Variants in SEC63 observed in about 807,000 individuals in gnomAD.
SEC63 encodes the protein translocation protein SEC63 homolog.
Under a neutral mutation model 116.2 loss-of-function variants are expected in SEC63, and 56 were observed. That is an observed-to-expected ratio of 0.48 (90% confidence interval 0.39 to 0.60). The LOEUF is 0.60. SEC63 is among the 20% of genes least tolerant of loss of function. SEC63 has a pLI of 0.00. For missense variants in SEC63, 668 were observed against 900.0 expected, an observed-to-expected ratio of 0.74 and a Z score of 3.30; for synonymous variants, 273 against 294.6, an observed-to-expected ratio of 0.93 and a Z score of 0.75.
chr6:107,937,175 T>G lies in SEC63; in HGVS notation c.125-7661A>C, dbSNP rs1397891765. On this transcript the variant is annotated intron_variant, in intron 1 of 20. Coordinates refer to ENST00000369002, the MANE Select transcript of SEC63 (RefSeq NM_007214.5). ...TTTGCTCTTGTTGCCCAGGCTGGAG[T>G]GCAATGGCGCAATCTCAGCTCATTG... is the stretch of plus-strand genomic sequence containing the variant. Among the ~76,000 whole-genome samples the G allele has an allele frequency of 4.8e-5, 7 of 145,092 alleles. No homozygotes were observed. The East Asian group carries it at 1.4e-3, about 29-fold the overall frequency.
chr6:107,909,056 A>C (rs1787217935), intron 7 of SEC63, 21 bp from the exon 8 acceptor site: 1 of 1,531,902 alleles, frequency 6.5e-7, no homozygotes, highest in Admixed American at 1.7e-5. Flanking sequence ...AAAAAAATTA[A>C]ACAAGAAAGA....
At position 107,958,064 on chromosome 6, in the gene SEC63, G is replaced by A; in HGVS notation, c.-55C>T. 1.9e-6 allele frequency: 3 copies of A among 1,600,184 alleles called. No individual in the cohort carries two copies. Among genetic ancestry groups the A allele is most frequent in the Non-Finnish European group, 2.6e-6 (3 of 1,171,094 alleles). ...ACCGCCGCCGCCACGACCACGCTCT[G>A]CACTCCCGCTCCCAACGCCCCGGCC... On this transcript the variant is annotated 5_prime_UTR_variant, in exon 1 of 21. Coordinates refer to ENST00000369002, the MANE Select transcript of SEC63 (RefSeq NM_007214.5).
intron 1 of SEC63, among the ~76,000 whole-genome samples, chr6:107,935,801 T>G (rs201124305): frequency 8.2e-6 from 1 of 121,512 alleles, no homozygotes; most frequent in Non-Finnish European, 1.9e-5. Context: ...AAAAATAAAA[T>G]AAAATAAAAT....
chr6:107,879,473 G>C (rs929897381), intron 18 of SEC63, among the ~76,000 whole-genome samples: 3 of 152,204 alleles, frequency 2.0e-5, no homozygotes, highest in Admixed American at 2.0e-4. Flanking sequence ...TTACAGGCAT[G>C]TGACACCATG....
At chr6:107,921,436 T>C (rs1787553190) in intron 4 of SEC63, among the ~76,000 whole-genome samples, 2 of 151,718 alleles carry the variant, frequency 1.3e-5, no homozygotes, top group Non-Finnish European at 2.9e-5. Flanking sequence ...AATATTTTAT[T>C]AAAACAGAAA....
chr6:107,890,362 T>A (rs745731725), intron 16 of SEC63, among the ~76,000 whole-genome samples: 6 of 152,254 alleles, frequency 3.9e-5, no homozygotes, highest in Non-Finnish European at 8.8e-5. Context: ...TGGTTTAAAG[T>A]CTGTTTTATC....
intron 16 of SEC63, among the ~76,000 whole-genome samples, chr6:107,887,798 G>C (rs1032170909): frequency 5.3e-5 from 8 of 152,156 alleles, no homozygotes; most frequent in Non-Finnish European, 7.4e-5. Context: ...TCCAGTTCCT[G>C]CTTTCTGCAT....
rs1786061798 is a variant in SEC63 at position 107,868,997 on chromosome 6, T to TTA, written c.*2705_*2706dup. ...AAAATAACATGCCTAGAGAGCCTCATTATATCTCTCCCTCCCTGTTTCCAC... is the reference window on the plus strand; with the variant it reads ...AAAATAACATGCCTAGAGAGCCTCATTATATATCTCTCCCTCCCTGTTTCCAC... On this transcript the variant is annotated 3_prime_UTR_variant, in exon 21 of 21. Transcript: ENST00000369002. The TTA allele has an allele frequency of 6.6e-6, 1 of 152,230 alleles. No homozygotes were observed. Among genetic ancestry groups the TTA allele is most frequent in the Non-Finnish European group, 1.5e-5 (1 of 68,082 alleles). The allele number at this position is 152,230 out of a possible 1,614,324, so 9.4% of individuals were successfully genotyped here.
At chr6:107,936,702 C>T (rs1359851773) in intron 1 of SEC63, among the ~76,000 whole-genome samples, 2 of 152,218 alleles carry the variant, frequency 1.3e-5, no homozygotes, top group African/African-American at 4.8e-5. Context: ...TCATAAACCA[C>T]ATAGTGCCTT....
rs1023530263 is a variant in SEC63 at position 107,870,431 on chromosome 6, A to G, written c.*1273T>C. ...GGTTGCAAATTTTAGTATTCCAACA[A>G]TATTTTGACCTATGGAGATTTTGAT... is the stretch of plus-strand genomic sequence containing the variant. On this transcript the variant is annotated 3_prime_UTR_variant, in exon 21 of 21. Transcript: ENST00000369002. 1 of 152,634 alleles carries G rather than the reference A, an allele frequency of 6.6e-6. No homozygotes were observed. The highest frequency in any genetic ancestry group is 1.5e-5 in the Non-Finnish European group (1 of 68,032). The allele number at this position is 152,634 out of a possible 1,614,324, so 9.5% of individuals were successfully genotyped here. A position where few individuals can be genotyped will look rare whatever the true frequency, so the allele number is the denominator to read the frequency against.
chr6:107,944,670 C>T (rs567502592), intron 1 of SEC63, among the ~76,000 whole-genome samples: 17 of 151,200 alleles, frequency 1.1e-4, no homozygotes, highest in African/African-American at 4.1e-4. Context: ...GCATTCCAAC[C>T]TAGATCAGAG....
intron 1 of SEC63, among the ~76,000 whole-genome samples, chr6:107,936,250 C>A (rs1039673334): frequency 6.6e-6 from 1 of 152,192 alleles, no homozygotes; most frequent in Non-Finnish European, 1.5e-5. Context: ...AAAATTAAAT[C>A]TTAACCTTTT....
chr6:107,951,043 C>CTTT (rs1248629757), intron 1 of SEC63, among the ~76,000 whole-genome samples: 1 of 152,144 alleles, frequency 6.6e-6, no homozygotes, highest in Non-Finnish European at 1.5e-5. Context: ...AAATTATGCA[C>CTTT]TTACAAATAA....
Position 107,871,155 on chromosome 6 carries a change from G to A in SEC63, c.*549C>T, listed in dbSNP as rs1251167096. 2 of 159,286 alleles carry A rather than the reference G, an allele frequency of 1.3e-5. No individual in the cohort carries two copies. The highest frequency in any genetic ancestry group is 4.8e-5 in the African/African-American group (2 of 41,490). The allele number at this position is 159,286 out of a possible 1,614,324, so 9.9% of individuals were successfully genotyped here. ...GCCCTCTATATCATGTGGAATGTGA[G>A]AGAATGCCAACTTATGACCAAGATA... On this transcript the variant is annotated 3_prime_UTR_variant, in exon 21 of 21. Coordinates refer to ENST00000369002, the MANE Select transcript of SEC63 (RefSeq NM_007214.5).
At chr6:107,956,991 G>A (rs1231362872) in intron 1 of SEC63, among the ~76,000 whole-genome samples, 1 of 151,978 alleles carries the variant, frequency 6.6e-6, no homozygotes, top group Non-Finnish European at 1.5e-5. Flanking sequence ...AACCCATTAG[G>A]CCCTCGCAGT....
At position 107,955,186 on chromosome 6, in the gene SEC63, T is replaced by C. The variant is rs111992837; in HGVS notation, c.124+2700A>G. On this transcript the variant is annotated intron_variant, in intron 1 of 20. Transcript: ENST00000369002. ...CTTTACCTGTAAATGGAGATAATAA[T>C]AGAACCTACCTCACTGCATTGCTGG... Among the ~76,000 whole-genome samples the C allele has an allele frequency of 4.7e-3, 721 of 152,304 alleles. 4 individuals carry two copies. The highest frequency in any genetic ancestry group is 0.016 in the African/African-American group (685 of 41,586).
At chr6:107,876,725 GAA>G in intron 18 of SEC63, 63 bp from the exon 19 acceptor site, 1 of 1,131,346 alleles carries the variant, frequency 8.8e-7, no homozygotes, top group South Asian at 1.4e-5. Flanking sequence ...GAACTAGAAA[GAA>G]TATAATTTTG....
Position 107,932,463 on chromosome 6 carries a change from G to A in SEC63, c.125-2949C>T, listed in dbSNP as rs77738477. On this transcript the variant is annotated intron_variant, in intron 1 of 20. Transcript: ENST00000369002. ...GGAGGACTACCCAGCAAGAAGTACC[G>A]AAACCAAGTATCAGGAAGAGGGAGA... Among the ~76,000 whole-genome samples the A allele has an allele frequency of 1.4e-3, 216 of 152,244 alleles. 1 individual carries two copies. The highest frequency in any genetic ancestry group is 4.8e-3 in the African/African-American group (201 of 41,530).
Position 107,912,632 on chromosome 6 carries a change from T to G in SEC63, c.573+84A>C, listed in dbSNP as rs1787307741. Reference sequence around the variant, plus strand: ...CACACCAGTATTTTCTTTGTAATAGTTCTTCTTGTATTACCAAGACAGATT... The same window carrying G: ...CACACCAGTATTTTCTTTGTAATAGGTCTTCTTGTATTACCAAGACAGATT... On this transcript the variant is annotated intron_variant, in intron 6 of 20. Coordinates refer to ENST00000369002, the MANE Select transcript of SEC63 (RefSeq NM_007214.5). 5.0e-6 allele frequency: 4 copies of G among 797,070 alleles called. No individual in the cohort carries two copies. The Admixed American group carries it at 7.5e-5, about 15-fold the overall frequency. 49.4% of individuals were successfully genotyped at this position (797,070 alleles called of 1,614,324 possible). A position where few individuals can be genotyped will look rare whatever the true frequency, so the allele number is the denominator to read the frequency against.
Sources: allele counts gnomAD v4.1 joint callset (sites outside exome capture counted in the v4.1 genomes callset), GRCh38; gene constraint gnomAD v4.1.1; transcripts MANE v1.5; gene names NCBI Gene and HGNC (gene_info 2026-07-23, HGNC 2026-07-21).